Variants in TMEM132C observed in about 807,000 individuals in gnomAD.
TMEM132C encodes the protein protein phosphatase 1, regulatory subunit 152.
Under a neutral mutation model 61.4 loss-of-function variants are expected in TMEM132C, and 29 were observed. The ratio of observed to expected loss-of-function variants is 0.47; its 90% CI spans 0.35 to 0.64. TMEM132C has a LOEUF of 0.64. Among genes scored for constraint, TMEM132C ranks in the 30% least tolerant of loss-of-function variants. The probability of loss-of-function intolerance (pLI) is 0.00; values close to 1 mark genes in which losing one functional copy is unlikely to be tolerated. For missense variants in TMEM132C, 1,408 were observed against 1,476.9 expected (o/e 0.95, Z 0.76); for synonymous variants, 656 against 633.1 (o/e 1.04, Z -0.54).
intron 1 of TMEM132C, among the ~76,000 whole-genome samples, chr12:128,376,445 A>G: frequency 6.6e-6 from 1 of 152,220 alleles, no homozygotes; most frequent in East Asian, 1.9e-4. Flanking sequence ...ATCTCTTGTT[A>G]TAAAGTGTCA....
chr12:128,416,717 C>G (rs1416719221), intron 2 of TMEM132C, among the ~76,000 whole-genome samples: 3 of 152,276 alleles, frequency 2.0e-5, no homozygotes, highest in African/African-American at 7.2e-5. Flanking sequence ...AGTTTCTCAT[C>G]TTAATCCTAC....
chr12:128,373,299 G>A (rs1471058159), intron 1 of TMEM132C, among the ~76,000 whole-genome samples: 3 of 152,100 alleles, frequency 2.0e-5, no homozygotes, highest in South Asian at 2.1e-4. Context: ...TCTTGTCAAG[G>A]AAGGAAAAGC....
At chr12:128,489,562 C>T (rs962973195) in intron 2 of TMEM132C, among the ~76,000 whole-genome samples, 1 of 138,360 alleles carries the variant, frequency 7.2e-6, no homozygotes, top group Non-Finnish European at 1.6e-5. Context: ...TTTATATGCT[C>T]ATATATATAT....
At chr12:128,577,236 A>G (rs1875145071) in intron 3 of TMEM132C, among the ~76,000 whole-genome samples, 1 of 152,226 alleles carries the variant, frequency 6.6e-6, no homozygotes, top group East Asian at 1.9e-4. Context: ...TGGTTTATTC[A>G]TATGATAGCA....
At chr12:128,633,858 A>G (rs1207310931) in intron 4 of TMEM132C, among the ~76,000 whole-genome samples, 1 of 152,234 alleles carries the variant, frequency 6.6e-6, no homozygotes, top group Non-Finnish European at 1.5e-5. Context: ...ACCAAAAAAA[A>G]TCATGGTTAA....
chr12:128,655,539 C>T (rs1263608616), intron 4 of TMEM132C, among the ~76,000 whole-genome samples: 2 of 151,868 alleles, frequency 1.3e-5, no homozygotes, highest in African/African-American at 4.8e-5. Flanking sequence ...GCCCGTGCAT[C>T]ATTTTAACTA....
At chr12:128,319,354 C>CGA (rs71449340) in intron 1 of TMEM132C, among the ~76,000 whole-genome samples, 35,434 of 149,228 alleles carry the variant, frequency 0.24, 4,583 homozygotes, top group Non-Finnish European at 0.3. Context: ...TTTGCAGTCC[C>CGA]GAGAGAGAGA....
At chr12:128,651,930 A>C (rs1443046914) in intron 4 of TMEM132C, among the ~76,000 whole-genome samples, 2 of 152,236 alleles carry the variant, frequency 1.3e-5, no homozygotes, top group Non-Finnish European at 2.9e-5. Context: ...GATGAAAACC[A>C]GCGGGACGTT....
At chr12:128,344,829 G>C (rs1394252312) in intron 1 of TMEM132C, among the ~76,000 whole-genome samples, 1 of 151,684 alleles carries the variant, frequency 6.6e-6, no homozygotes, top group East Asian at 1.9e-4. Flanking sequence ...GGTAGATCTA[G>C]ATATCCAAAT....
At chr12:128,400,224 C>T (rs148424903) in intron 1 of TMEM132C, 3 of 152,410 alleles carry the variant, frequency 2.0e-5, no homozygotes, top group African/African-American at 7.2e-5. Context: ...ACTGGGCCAA[C>T]CCCTGGGATA....
At chr12:128,319,820 C>T (rs1369747243) in intron 1 of TMEM132C, among the ~76,000 whole-genome samples, 2 of 147,424 alleles carry the variant, frequency 1.4e-5, no homozygotes, top group Non-Finnish European at 1.5e-5. Context: ...AGTGAGACTC[C>T]ATCTCAAAAA....
At chr12:128,376,940 G>T (rs1330117616) in intron 1 of TMEM132C, among the ~76,000 whole-genome samples, 2 of 152,206 alleles carry the variant, frequency 1.3e-5, no homozygotes, top group Non-Finnish European at 2.9e-5. Flanking sequence ...CTGACATCCA[G>T]CTCTGGAAAC....
chr12:128,413,115 G>A (rs1314862734), intron 1 of TMEM132C, among the ~76,000 whole-genome samples: 1 of 151,894 alleles, frequency 6.6e-6, no homozygotes, highest in African/African-American at 2.4e-5. Context: ...TGGCTAACAT[G>A]GTGAAACTCC....
In TMEM132C at chr12:128,692,942, G is replaced by A. The variant is rs114010273; in HGVS notation, c.1450-887G>A. ...AGAAAGGGGAAAAGGAAAGGGAGGC[G>A]CATAGGGAAAGGGAACATAGGTTGG... On this transcript the variant is annotated intron_variant, in intron 5 of 8. Coordinates refer to ENST00000435159, the MANE Select transcript of TMEM132C (RefSeq NM_001136103.3). Among the ~76,000 whole-genome samples, 1,142 of 152,288 alleles carry A rather than the reference G, an allele frequency of 7.5e-3. 11 individuals are homozygous for A. The highest frequency in any genetic ancestry group is 0.026 in the African/African-American group (1,087 of 41,548).
chr12:128,674,543 A>G (rs1055326583), intron 5 of TMEM132C, among the ~76,000 whole-genome samples: 2 of 152,176 alleles, frequency 1.3e-5, no homozygotes, highest in Non-Finnish European at 2.9e-5. Context: ...ACTTTTTTCC[A>G]AAGTGGCTAT....
At chr12:128,302,248 C>T (rs545478207) in intron 1 of TMEM132C, among the ~76,000 whole-genome samples, 8 of 152,294 alleles carry the variant, frequency 5.3e-5, no homozygotes, top group Admixed American at 2.0e-4. Context: ...ATCATTGGCA[C>T]CAAATAATTT....
At chr12:128,315,247 G>A (rs918819641) in intron 1 of TMEM132C, among the ~76,000 whole-genome samples, 19 of 152,192 alleles carry the variant, frequency 1.2e-4, no homozygotes, top group African/African-American at 3.6e-4. Context: ...AAAGAAGCCA[G>A]TGTGTGCCTG....
intron 3 of TMEM132C, among the ~76,000 whole-genome samples, chr12:128,556,387 C>T (rs868749983): frequency 3.4e-4 from 52 of 152,270 alleles, no homozygotes; most frequent in Middle Eastern, 3.4e-3. Context: ...CCCATGAGAA[C>T]CTGCACAGTG....
chr12:128,481,053 G>A (rs1226673193), intron 2 of TMEM132C, among the ~76,000 whole-genome samples: 10 of 152,158 alleles, frequency 6.6e-5, no homozygotes, highest in Non-Finnish European at 1.0e-4. Context: ...CTGAAGACGC[G>A]AATGAACAGG....
Sources: allele counts gnomAD v4.1 joint callset (sites outside exome capture counted in the v4.1 genomes callset), GRCh38; gene constraint gnomAD v4.1.1; transcripts MANE v1.5; gene names NCBI Gene and HGNC (gene_info 2026-07-23, HGNC 2026-07-21).